The following MYO1E variants were observed in gnomAD, a reference collection of about 807,000 sequenced individuals.
MYO1E encodes the protein myosin IE.
A neutral mutation model predicts 151.1 loss-of-function variants in MYO1E; 68 were observed. The ratio of observed to expected loss-of-function variants is 0.45; its 90% confidence interval spans 0.37 to 0.55. The LOEUF (loss-of-function observed/expected upper bound fraction) is 0.55. MYO1E is among the 20% of genes least tolerant of loss of function. The pLI, the probability that MYO1E is intolerant of heterozygous loss-of-function variation, is 0.00. For synonymous variants in MYO1E, 601 were observed against 501.7 expected (o/e 1.20, Z -2.64); for missense variants, 1,363 against 1,389.3 (o/e 0.98, Z 0.30).
At chr15:59,179,812 A>G (rs1170352521) in intron 18 of MYO1E, among the ~76,000 whole-genome samples, 1 of 152,270 alleles carries the variant, frequency 6.6e-6, no homozygotes, top group Non-Finnish European at 1.5e-5. Flanking sequence ...GGCTGATATA[A>G]TCAAGGAGAG....
chr15:59,316,578 G>C (rs369735210), intron 1 of MYO1E, among the ~76,000 whole-genome samples: 1 of 152,234 alleles, frequency 6.6e-6, no homozygotes, highest in Non-Finnish European at 1.5e-5. Context: ...AACTGCATAC[G>C]CTTTTTTACA....
rs559803050 is a variant in MYO1E at position 59,366,354 on chromosome 15, T to A, written c.3+6144A>T. On this transcript the variant is annotated intron_variant, in intron 1 of 27. Coordinates refer to ENST00000288235, the MANE Select transcript of MYO1E (RefSeq NM_004998.4). ...TCTCACCCAGGCTGCAGTGCCACAG[T>A]TACAGCTCACTGCATACTTGAACTC... Among the ~76,000 whole-genome samples the A allele has an allele frequency of 9.3e-5, 14 of 150,354 alleles. No individual in the cohort carries two copies. The South Asian group carries it at 3.0e-3, about 32-fold the overall frequency.
At chr15:59,210,657 G>C in intron 12 of MYO1E, 57 bp from the exon 13 acceptor site, 1 of 1,252,106 alleles carries the variant, frequency 8.0e-7, no homozygotes, top group South Asian at 1.2e-5. Flanking sequence ...AGCTCTGCAC[G>C]GACAGACCCT....
At chr15:59,198,831 A>AAC (rs1464184537) in intron 16 of MYO1E, among the ~76,000 whole-genome samples, 1 of 8,148 alleles carries the variant, frequency 1.2e-4, no homozygotes. Context: ...GAAAAAAAAC[A>AAC]AAAAAAAAAC....
At chr15:59,256,029 C>T (rs1450377036) in intron 4 of MYO1E, among the ~76,000 whole-genome samples, 1 of 152,206 alleles carries the variant, frequency 6.6e-6, no homozygotes, top group Non-Finnish European at 1.5e-5. Context: ...AGGAATTCAT[C>T]TGACTAAACA....
intron 2 of MYO1E, among the ~76,000 whole-genome samples, chr15:59,269,523 T>TA (rs2080277080): frequency 6.6e-6 from 1 of 152,144 alleles, no homozygotes; most frequent in South Asian, 2.1e-4. Flanking sequence ...CCAAATAAAA[T>TA]AAAAACCTGC....
rs1168272963 is a variant in MYO1E at position 59,155,720 on chromosome 15, A to AT, written c.2879-1930_2879-1929insA. Among the ~76,000 whole-genome samples the AT allele has an allele frequency of 2.0e-5, 3 of 152,288 alleles. No homozygotes were observed. In the East Asian group the frequency reaches 5.8e-4, roughly 29 times the overall value. On this transcript the variant is annotated intron_variant, in intron 25 of 27. Transcript: ENST00000288235. ...TGTGCTTGGATTTTCTTCAAAGAAG[A>AT]AAGGAGGAGACAGAGCCGGGTCAAG...
At chr15:59,137,569 C>A in intron 27 of MYO1E, 113 bp from the exon 28 acceptor site, 1 of 873,978 alleles carries the variant, frequency 1.1e-6, no homozygotes. Context: ...TGTTGTTTTC[C>A]CTTTGTTCTT....
chr15:59,372,272 A>G (rs2140448644), intron 1 of MYO1E, among the ~76,000 whole-genome samples: 1 of 152,228 alleles, frequency 6.6e-6, no homozygotes, highest in African/African-American at 2.4e-5. Context: ...AAGTTTCGCG[A>G]CGCAGAAACC....
chr15:59,202,872 G>GCTGGCACTATA (rs1236967425), intron 15 of MYO1E, among the ~76,000 whole-genome samples: 1 of 152,112 alleles, frequency 6.6e-6, no homozygotes, highest in Non-Finnish European at 1.5e-5. Flanking sequence ...CTCCTGAGTA[G>GCTGGCACTATA]CTGGCACTAT....
intron 1 of MYO1E, among the ~76,000 whole-genome samples, chr15:59,334,469 G>A (rs1476669247): frequency 1.3e-5 from 1 of 75,780 alleles, no homozygotes; most frequent in Non-Finnish European, 3.6e-5. Context: ...CGCATATGTT[G>A]TTTTTCTTAA....
At chr15:59,171,617 G>A (rs763639684) in intron 22 of MYO1E, among the ~76,000 whole-genome samples, 7 of 152,256 alleles carry the variant, frequency 4.6e-5, no homozygotes, top group African/African-American at 7.2e-5. Flanking sequence ...TCCATATACC[G>A]GGTTCATTTC....
chr15:59,145,481 G>C (rs1161286498), intron 26 of MYO1E, among the ~76,000 whole-genome samples: 2 of 152,090 alleles, frequency 1.3e-5, no homozygotes, highest in Non-Finnish European at 2.9e-5. Flanking sequence ...CCGCCTCCCG[G>C]GTTCAAGCGT....
chr15:59,268,548 C>T (rs2080269685), intron 2 of MYO1E, among the ~76,000 whole-genome samples: 1 of 151,792 alleles, frequency 6.6e-6, no homozygotes, highest in Non-Finnish European at 1.5e-5. Context: ...ATGCACCATG[C>T]CAAAAATTAT....
At chr15:59,211,768 T>C (rs1369075079) in intron 12 of MYO1E, among the ~76,000 whole-genome samples, 1 of 152,156 alleles carries the variant, frequency 6.6e-6, no homozygotes, top group African/African-American at 2.4e-5. Context: ...TTCTTGGCTA[T>C]TGCTAATTAT....
intron 1 of MYO1E, among the ~76,000 whole-genome samples, chr15:59,273,314 C>G (rs557948221): frequency 6.6e-6 from 1 of 152,154 alleles, no homozygotes; most frequent in Non-Finnish European, 1.5e-5. Flanking sequence ...TGTTCAGCTA[C>G]GTGACAAGTT....
intron 1 of MYO1E, among the ~76,000 whole-genome samples, chr15:59,316,939 T>C (rs990538994): frequency 5.3e-5 from 8 of 152,324 alleles, no homozygotes; most frequent in Middle Eastern, 3.4e-3. Flanking sequence ...CATGGTCTTA[T>C]CAGCAGCAGA....
At chr15:59,369,143 G>A (rs1356154868) in intron 1 of MYO1E, among the ~76,000 whole-genome samples, 1 of 152,184 alleles carries the variant, frequency 6.6e-6, no homozygotes, top group Admixed American at 6.6e-5. Flanking sequence ...ATGTATTCCA[G>A]ACTTTCTAAA....
chr15:59,351,064 T>C (rs2080820665), intron 1 of MYO1E, among the ~76,000 whole-genome samples: 1 of 152,138 alleles, frequency 6.6e-6, no homozygotes, highest in Non-Finnish European at 1.5e-5. Context: ...GCCCAGCTAA[T>C]TTTTTTGTGT....
Sources: gnomAD v4.1 joint callset for allele counts (sites outside exome capture counted in the v4.1 genomes callset) on GRCh38, gnomAD v4.1.1 for gene constraint, MANE v1.5 for transcripts, NCBI Gene and HGNC (gene_info 2026-07-23, HGNC 2026-07-21) for gene names.